The following GALNT17 variants were observed in gnomAD, a reference collection of about 807,000 sequenced individuals.
GALNT17 encodes polypeptide N-acetylgalactosaminyltransferase 17, also known as UDP-GalNAc:polypeptide N-acetylgalactosaminyltransferase-like 3.
A neutral mutation model predicts 63.7 loss-of-function variants in GALNT17; 29 were observed. That is an observed-to-expected ratio of 0.46 (90% CI 0.34 to 0.62). The LOEUF is 0.62. Ranked by LOEUF, GALNT17 falls within the 20% of genes least tolerant of loss-of-function variation. The pLI is 0.01. For missense variants in GALNT17, 603 were observed against 799.6 expected (o/e 0.75, Z 2.97); for synonymous variants, 305 against 318.3 (o/e 0.96, Z 0.45).
intron 6 of GALNT17, among the ~76,000 whole-genome samples, chr7:71,647,737 C>T (rs1227031702): frequency 6.6e-6 from 1 of 152,242 alleles, no homozygotes; most frequent in Non-Finnish European, 1.5e-5. Flanking sequence ...TACACATTCT[C>T]CAAGCCTCTG....
intron 5 of GALNT17, among the ~76,000 whole-genome samples, chr7:71,443,062 A>G (rs1209414809): frequency 2.0e-5 from 3 of 152,168 alleles, no homozygotes; most frequent in African/African-American, 4.8e-5. Flanking sequence ...TGGTGGCATG[A>G]GCCCTTCCCA....
intron 1 of GALNT17, among the ~76,000 whole-genome samples, chr7:71,283,676 A>T (rs550204434): frequency 1.4e-3 from 218 of 152,176 alleles, no homozygotes; most frequent in Non-Finnish European, 2.2e-3. Context: ...TAATTGAATC[A>T]TGGGGGCAGT....
At chr7:71,443,797 TCACTGCAA>T (rs996073471) in intron 5 of GALNT17, among the ~76,000 whole-genome samples, 8 of 151,992 alleles carry the variant, frequency 5.3e-5, no homozygotes, top group Admixed American at 3.3e-4. Flanking sequence ...TGATCTTGGC[TCACTGCAA>T]CCTCCACCTC....
chr7:71,389,838 C>T (rs1243131418), intron 3 of GALNT17, among the ~76,000 whole-genome samples: 1 of 152,158 alleles, frequency 6.6e-6, no homozygotes. Flanking sequence ...GGTGTTTGCT[C>T]ATCTTCTGGA....
At chr7:71,456,384 A>G (rs563944614) in intron 5 of GALNT17, among the ~76,000 whole-genome samples, 148 of 152,174 alleles carry the variant, frequency 9.7e-4, no homozygotes, top group Non-Finnish European at 1.9e-3. Flanking sequence ...AAGGATGCTT[A>G]TGATATTAAA....
intron 6 of GALNT17, among the ~76,000 whole-genome samples, chr7:71,622,196 G>A (rs1451856040): frequency 6.6e-6 from 1 of 152,198 alleles, no homozygotes; most frequent in Non-Finnish European, 1.5e-5. Flanking sequence ...CCTAGAATGG[G>A]CAACATGGCG....
intron 6 of GALNT17, among the ~76,000 whole-genome samples, chr7:71,621,480 T>TG (rs879902058): frequency 6.6e-6 from 1 of 151,470 alleles, no homozygotes; most frequent in Admixed American, 6.6e-5. Context: ...GATGAATGGA[T>TG]GAATGGATGG....
intron 1 of GALNT17, among the ~76,000 whole-genome samples, chr7:71,173,191 T>C (rs1369568346): frequency 2.0e-5 from 3 of 152,150 alleles, no homozygotes; most frequent in African/African-American, 7.2e-5. Flanking sequence ...GTTGTTTCTT[T>C]GAGTCTCAGA....
At chr7:71,148,185 G>T (rs959247355) in intron 1 of GALNT17, among the ~76,000 whole-genome samples, 1 of 152,140 alleles carries the variant, frequency 6.6e-6, no homozygotes, top group Admixed American at 6.5e-5. Flanking sequence ...CAAGTAATTT[G>T]TTCTCACTTC....
chr7:71,289,416 G>T (rs1175914013), intron 1 of GALNT17, among the ~76,000 whole-genome samples: 2 of 151,938 alleles, frequency 1.3e-5, no homozygotes, highest in African/African-American at 4.8e-5. Context: ...AAGATTTTAT[G>T]TTTTTCTCGT....
chr7:71,369,048 C>T (rs1792567688), intron 2 of GALNT17, among the ~76,000 whole-genome samples: 1 of 152,072 alleles, frequency 6.6e-6, no homozygotes, highest in African/African-American at 2.4e-5. Flanking sequence ...CATTTTCAGC[C>T]AGGAATGAGA....
chr7:71,300,324 A>C, intron 1 of GALNT17: 1 of 386,828 alleles, frequency 2.6e-6, no homozygotes, highest in South Asian at 1.9e-5. Context: ...TCTTTCTAAG[A>C]GGAGGCTTGT....
chr7:71,525,349 A>AT (rs996859373), intron 5 of GALNT17, among the ~76,000 whole-genome samples: 1 of 151,748 alleles, frequency 6.6e-6, no homozygotes, highest in African/African-American at 2.4e-5. Context: ...TGCCCGGCTA[A>AT]TTTTTTTGTT....
At chr7:71,431,260 G>A (rs1786861050) in intron 5 of GALNT17, among the ~76,000 whole-genome samples, 2 of 142,860 alleles carry the variant, frequency 1.4e-5, no homozygotes, top group South Asian at 2.3e-4. Flanking sequence ...CACCCAGGCT[G>A]GGTGTAGTGG....
At chr7:71,690,564 G>A (rs1791426910) in intron 9 of GALNT17, among the ~76,000 whole-genome samples, 1 of 152,164 alleles carries the variant, frequency 6.6e-6, no homozygotes, top group Admixed American at 6.5e-5. Flanking sequence ...TAAGACTGTA[G>A]CTGCCATAGA....
At chr7:71,460,087 G>A (rs1000655191) in intron 5 of GALNT17, among the ~76,000 whole-genome samples, 2 of 152,212 alleles carry the variant, frequency 1.3e-5, no homozygotes, top group East Asian at 1.9e-4. Context: ...ATAAAGCCAA[G>A]CTGTACCCCG....
At chr7:71,358,013 C>T (rs1792320583) in intron 2 of GALNT17, among the ~76,000 whole-genome samples, 1 of 152,158 alleles carries the variant, frequency 6.6e-6, no homozygotes, top group Non-Finnish European at 1.5e-5. Flanking sequence ...GCTGGCCACC[C>T]CAGCCAGCAG....
At chr7:71,439,925 T>A (rs10263612) in intron 5 of GALNT17, among the ~76,000 whole-genome samples, 26,866 of 149,940 alleles carry the variant, frequency 0.18, 2,915 homozygotes, top group East Asian at 0.53. Context: ...TTCCAGAGTG[T>A]TTCATCTTCC....
intron 5 of GALNT17, among the ~76,000 whole-genome samples, chr7:71,514,713 G>GT (rs2116734488): frequency 6.6e-6 from 1 of 152,210 alleles, no homozygotes; most frequent in East Asian, 1.9e-4. Context: ...ATTTCTCTAA[G>GT]GTATACATTC....
Sources: allele counts gnomAD v4.1 joint callset (sites outside exome capture counted in the v4.1 genomes callset), GRCh38; gene constraint gnomAD v4.1.1; transcripts MANE v1.5; gene names NCBI Gene and HGNC (gene_info 2026-07-23, HGNC 2026-07-21).